Variants in ADARB2 observed in about 807,000 individuals in gnomAD.
ADARB2 encodes the protein adenosine deaminase RNA specific B2 (inactive), also known as inactive double-stranded RNA-specific editase B2.
A neutral mutation model predicts 62.2 loss-of-function variants in ADARB2; 25 were observed. The observed-to-expected ratio is 0.40, with a 90% CI of 0.29 to 0.56. The LOEUF is 0.56. ADARB2 is among the 20% of genes least tolerant of loss of function. ADARB2 has a pLI of 0.43. For missense variants in ADARB2, 1,071 were observed against 1,077.4 expected, an observed-to-expected ratio of 0.99 and a Z score of 0.08; for synonymous variants, 572 against 500.8, an observed-to-expected ratio of 1.14 and a Z score of -1.90.
At chr10:1,345,275 C>T (rs920179753) in intron 3 of ADARB2, among the ~76,000 whole-genome samples, 1 of 152,226 alleles carries the variant, frequency 6.6e-6, no homozygotes, top group Non-Finnish European at 1.5e-5. Context: ...GGCCAATGCC[C>T]TCTGACCTTA....
chr10:1,343,583 C>T (rs771785631), intron 3 of ADARB2, among the ~76,000 whole-genome samples: 5 of 152,212 alleles, frequency 3.3e-5, no homozygotes, highest in Non-Finnish European at 7.3e-5. Context: ...GCATGTCCAT[C>T]GCAGCACTAT....
intron 2 of ADARB2, among the ~76,000 whole-genome samples, chr10:1,367,963 A>C (rs767645390): frequency 2.0e-5 from 3 of 152,254 alleles, no homozygotes; most frequent in Non-Finnish European, 2.9e-5. Context: ...ATAATTGATA[A>C]TAAGAGCATA....
intron 1 of ADARB2, among the ~76,000 whole-genome samples, chr10:1,581,508 C>T (rs1833098559): frequency 6.6e-6 from 1 of 152,248 alleles, no homozygotes. Flanking sequence ...TCCTTGTTAG[C>T]TGCCACCGTG....
chr10:1,244,426 C>G (rs562001766), intron 4 of ADARB2, among the ~76,000 whole-genome samples: 1 of 152,324 alleles, frequency 6.6e-6, no homozygotes, highest in African/African-American at 2.4e-5. Context: ...CTGTGAGGCC[C>G]CGGCCTGCTC....
intron 3 of ADARB2, among the ~76,000 whole-genome samples, chr10:1,274,739 T>C (rs944033857): frequency 1.2e-4 from 19 of 152,194 alleles, no homozygotes; most frequent in African/African-American, 4.6e-4. Context: ...GTGCCAATAT[T>C]ATCCTTTTTA....
chr10:1,321,830 A>C (rs1458923305), intron 3 of ADARB2, among the ~76,000 whole-genome samples: 3 of 152,174 alleles, frequency 2.0e-5, no homozygotes, highest in Non-Finnish European at 4.4e-5. Flanking sequence ...GAAGGAGGCT[A>C]AGTAGGTTCC....
At chr10:1,202,562 G>T (rs941502858) in intron 7 of ADARB2, among the ~76,000 whole-genome samples, 2 of 152,214 alleles carry the variant, frequency 1.3e-5, no homozygotes, top group Non-Finnish European at 2.9e-5. Flanking sequence ...AAGGCTGGGA[G>T]GAAATTCAGC....
chr10:1,376,695 G>A (rs80346076), intron 2 of ADARB2, among the ~76,000 whole-genome samples: 2 of 152,100 alleles, frequency 1.3e-5, no homozygotes, highest in South Asian at 2.1e-4. Context: ...CATTCGCTCC[G>A]CACCCCAAAT....
chr10:1,241,309 T>C (rs1231859124), intron 5 of ADARB2, among the ~76,000 whole-genome samples: 1 of 152,222 alleles, frequency 6.6e-6, no homozygotes, highest in Non-Finnish European at 1.5e-5. Flanking sequence ...CAGCAGCGTC[T>C]GCTTAGGGCT....
intron 3 of ADARB2, among the ~76,000 whole-genome samples, chr10:1,349,543 G>C (rs1832114210): frequency 6.6e-6 from 1 of 152,136 alleles, no homozygotes; most frequent in Admixed American, 6.5e-5. Context: ...ACCAGCCCAA[G>C]GAACATCTCA....
At chr10:1,623,270 C>T (rs557673847) in intron 1 of ADARB2, among the ~76,000 whole-genome samples, 1 of 152,286 alleles carries the variant, frequency 6.6e-6, no homozygotes. Context: ...GGACGTGAGG[C>T]GCATCCCAGG....
chr10:1,346,935 TCAAATGTTAC>T (rs1832086494), intron 3 of ADARB2, among the ~76,000 whole-genome samples: 1 of 152,262 alleles, frequency 6.6e-6, no homozygotes, highest in Non-Finnish European at 1.5e-5. Flanking sequence ...TTGCTGCTCT[TCAAATGTTAC>T]CAAGAAAGCA....
chr10:1,592,736 A>G (rs1736799503), intron 1 of ADARB2, among the ~76,000 whole-genome samples: 1 of 73,716 alleles, frequency 1.4e-5, no homozygotes, highest in Non-Finnish European at 2.4e-5. Flanking sequence ...CCTCTCTGGC[A>G]TGGTCCCCTC....
chr10:1,468,349 G>T (rs933324943), intron 1 of ADARB2, among the ~76,000 whole-genome samples: 2 of 152,144 alleles, frequency 1.3e-5, no homozygotes, highest in Non-Finnish European at 2.9e-5. Context: ...CTGTTAGTCC[G>T]GGTCCCTGAT....
At chr10:1,632,494 C>T (rs138391007) in intron 1 of ADARB2, among the ~76,000 whole-genome samples, 9 of 152,398 alleles carry the variant, frequency 5.9e-5, no homozygotes, top group South Asian at 2.1e-4. Flanking sequence ...ATACTCACAG[C>T]ACTAGCCTTG....
At chr10:1,570,336 G>A (rs182426496) in intron 1 of ADARB2, among the ~76,000 whole-genome samples, 5 of 152,310 alleles carry the variant, frequency 3.3e-5, no homozygotes, top group East Asian at 3.9e-4. Flanking sequence ...CCCCTTGGCG[G>A]TTGCTACCTG....
At chr10:1,709,043 C>A (rs777954868) in intron 1 of ADARB2, among the ~76,000 whole-genome samples, 5 of 152,104 alleles carry the variant, frequency 3.3e-5, no homozygotes, top group African/African-American at 4.8e-5. Context: ...TCCTGAGAAA[C>A]CTTCTCAGCC....
At chr10:1,544,723 A>C (rs548336121) in intron 1 of ADARB2, among the ~76,000 whole-genome samples, 377 of 152,246 alleles carry the variant, frequency 2.5e-3, no homozygotes, top group African/African-American at 8.5e-3. Context: ...TGTAGCATGT[A>C]AAGTACACAT....
At chr10:1,631,482 G>A (rs927399581) in intron 1 of ADARB2, among the ~76,000 whole-genome samples, 10 of 152,316 alleles carry the variant, frequency 6.6e-5, no homozygotes, top group East Asian at 1.9e-4. Context: ...ATGTCAGAGC[G>A]CAAAAAATAT....
Sources: allele counts gnomAD v4.1 joint callset (sites outside exome capture counted in the v4.1 genomes callset), GRCh38; gene constraint gnomAD v4.1.1; transcripts MANE v1.5; gene names NCBI Gene and HGNC (gene_info 2026-07-23, HGNC 2026-07-21).